SPATS1: variants seen among roughly 807,000 people sequenced by gnomAD.
SPATS1 encodes the protein spermatogenesis associated serine rich 1.
In SPATS1, 23 loss-of-function variants were observed where a neutral mutation model predicts 33.6. The observed-to-expected ratio is 0.68, with a 90% confidence interval of 0.49 to 0.97. The LOEUF (loss-of-function observed/expected upper bound fraction) is 0.97, where lower values mean the gene tolerates loss of function less well. Among genes scored for constraint, SPATS1 ranks in the 50% least tolerant of loss-of-function variants. SPATS1 has a pLI of 0.00. For synonymous variants in SPATS1, 131 were observed against 125.6 expected, an observed-to-expected ratio of 1.04 and a Z score of -0.29; for missense variants, 327 against 361.0, an observed-to-expected ratio of 0.91 and a Z score of 0.76.
intron 7 of SPATS1, among the ~76,000 whole-genome samples, chr6:44,372,994 C>T (rs572525487): frequency 3.3e-5 from 5 of 152,266 alleles, no homozygotes; most frequent in African/African-American, 1.2e-4. Flanking sequence ...TGATTTTTAG[C>T]CCTTTGTGAG....
chr6:44,379,500 T>G lies in SPATS1; in HGVS notation c.*2437T>G, dbSNP rs1421846203. ...CAGGACTGTACTATACTCGGGAGGC[T>G]GAGGCAGGAGAATGGTGTCAACCTG... On this transcript the variant is annotated 3_prime_UTR_variant, in exon 9 of 9. Transcript: ENST00000674044. Among the ~76,000 whole-genome samples, 1 of 147,192 alleles carries G rather than the reference T, an allele frequency of 6.8e-6. No homozygotes were observed. Among genetic ancestry groups the G allele is most frequent in the African/African-American group, 2.5e-5 (1 of 39,602 alleles).
intron 3 of SPATS1, among the ~76,000 whole-genome samples, chr6:44,354,046 A>AAC (rs1312918233): frequency 2.7e-5 from 4 of 145,606 alleles, no homozygotes; most frequent in Non-Finnish European, 4.5e-5. Context: ...TCAAAAAAAA[A>AAC]AAAAAAACAA....
chr6:44,342,989 A>G, intron 1 of SPATS1, 107 bp from the exon 2 acceptor site: 1 of 1,448,830 alleles, frequency 6.9e-7, no homozygotes, highest in Non-Finnish European at 9.4e-7. Context: ...TGCCCTCCTG[A>G]CTTTCGGTGG....
At chr6:44,371,671 C>T (rs758982941) in intron 7 of SPATS1, among the ~76,000 whole-genome samples, 2 of 151,992 alleles carry the variant, frequency 1.3e-5, no homozygotes, top group Admixed American at 6.6e-5. Flanking sequence ...GTGGGCTGGG[C>T]GCGGTGGCTC....
chr6:44,351,364 G>A (rs527918310), intron 2 of SPATS1, among the ~76,000 whole-genome samples: 26 of 151,992 alleles, frequency 1.7e-4, no homozygotes, highest in Non-Finnish European at 3.2e-4. Flanking sequence ...TTTGTATTGC[G>A]GGGGTCCTGG....
intron 7 of SPATS1, among the ~76,000 whole-genome samples, chr6:44,375,888 C>G (rs948185471): frequency 3.3e-5 from 5 of 151,748 alleles, no homozygotes; most frequent in Admixed American, 1.3e-4. Context: ...GGTGGATCAC[C>G]TTAGGTCGGA....
chr6:44,362,168 A>G (rs1004030744), intron 5 of SPATS1, among the ~76,000 whole-genome samples, 176 bp downstream of exon 5: 8 of 152,332 alleles, frequency 5.3e-5, no homozygotes, highest in African/African-American at 1.9e-4. Flanking sequence ...CGTTTTGGCA[A>G]AGAGCTCACA....
intron 3 of SPATS1, among the ~76,000 whole-genome samples, chr6:44,354,417 A>G (rs373385134): frequency 6.6e-6 from 1 of 152,110 alleles, no homozygotes; most frequent in African/African-American, 2.4e-5. Flanking sequence ...TAACATTTTG[A>G]TATTAGTTTT....
intron 5 of SPATS1, among the ~76,000 whole-genome samples, chr6:44,363,662 C>T (rs1789067359): frequency 7.3e-5 from 1 of 13,722 alleles, no homozygotes; most frequent in Non-Finnish European, 1.8e-4. Context: ...TTCCCTCCTT[C>T]CCTCCTTCCT....
intron 8 of SPATS1, 88 bp from the exon 9 acceptor site, chr6:44,376,947 A>T (rs1424717448): frequency 5.3e-6 from 8 of 1,495,816 alleles, no homozygotes; most frequent in African/African-American, 1.4e-5. Context: ...CAGATGTCAT[A>T]GCCAAGCATT....
At chr6:44,367,740 T>G (rs1226570551) in intron 5 of SPATS1, among the ~76,000 whole-genome samples, 1 of 152,184 alleles carries the variant, frequency 6.6e-6, no homozygotes, top group Non-Finnish European at 1.5e-5. Flanking sequence ...AATAGGCAAT[T>G]TTAAGGACTT....
chr6:44,349,385 C>T (rs1193197609), intron 2 of SPATS1, among the ~76,000 whole-genome samples: 1 of 150,396 alleles, frequency 6.6e-6, no homozygotes, highest in Non-Finnish European at 1.5e-5. Context: ...AAAGTGTGGA[C>T]AATAGTGATT....
intron 5 of SPATS1, 46 bp downstream of exon 5, chr6:44,362,038 C>T (rs1788954214): frequency 6.2e-7 from 1 of 1,612,104 alleles, no homozygotes; most frequent in Non-Finnish European, 8.5e-7. Flanking sequence ...CCGAAAAACT[C>T]TCGAGTCGTG....
intron 3 of SPATS1, among the ~76,000 whole-genome samples, chr6:44,357,975 C>T (rs1038898033): frequency 1.4e-4 from 22 of 152,286 alleles, no homozygotes; most frequent in African/African-American, 5.3e-4. Context: ...TGAAGAAGCT[C>T]ATCTGCAATT....
intron 5 of SPATS1, among the ~76,000 whole-genome samples, chr6:44,363,027 G>A (rs1789018643): frequency 2.0e-5 from 3 of 152,154 alleles, no homozygotes; most frequent in South Asian, 2.1e-4. Flanking sequence ...TAGTAGAGAC[G>A]GATTTCTCCA....
At position 44,379,599 on chromosome 6, in the gene SPATS1, CAAAAAAAAAAAAAA is replaced by C. The variant is rs55976441; in HGVS notation, c.*2551_*2564del. Among the ~76,000 whole-genome samples, 48 of 54,754 alleles carry C rather than the reference CAAAAAAAAAAAAAA, an allele frequency of 8.8e-4. No homozygotes were observed. Among genetic ancestry groups the C allele is most frequent in the Admixed American group, 9.1e-4 (3 of 3,314 alleles). The allele number at this position is 54,754 out of a possible 152,430, so 35.9% of individuals were successfully genotyped here. ...TGGGCAACAGAGTGAGACTCTGTCT[CAAAAAAAAAAAAAA>C]AAAAAAAAAAAAAAGAAAGAAAGAA... On this transcript the variant is annotated 3_prime_UTR_variant, in exon 9 of 9. Coordinates refer to ENST00000674044, the MANE Select transcript of SPATS1 (RefSeq NM_001372081.1).
At chr6:44,346,280 C>CAAAAA (rs3997539) in intron 2 of SPATS1, among the ~76,000 whole-genome samples, 4 of 144,646 alleles carry the variant, frequency 2.8e-5, no homozygotes, top group Non-Finnish European at 1.5e-5. Flanking sequence ...GACCCTGTCT[C>CAAAAA]AAAAAAAAAA....
intron 3 of SPATS1, among the ~76,000 whole-genome samples, chr6:44,357,192 G>A (rs1411900): frequency 5.1e-4 from 78 of 152,218 alleles, no homozygotes; most frequent in Admixed American, 4.6e-3. Flanking sequence ...TCATTTCCCT[G>A]ATGTTTCTTC....
intron 5 of SPATS1, among the ~76,000 whole-genome samples, chr6:44,363,490 A>G (rs943004901): frequency 6.6e-6 from 1 of 152,154 alleles, no homozygotes; most frequent in Non-Finnish European, 1.5e-5. Flanking sequence ...AGTAAATGGG[A>G]TTATCATAAT....
Sources: allele counts gnomAD v4.1 joint callset (sites outside exome capture counted in the v4.1 genomes callset), GRCh38; gene constraint gnomAD v4.1.1; transcripts MANE v1.5; gene names NCBI Gene and HGNC (gene_info 2026-07-23, HGNC 2026-07-21).